The following TENM3 variants were observed in gnomAD, a reference collection of about 807,000 sequenced individuals.
The protein encoded by TENM3 is teneurin transmembrane protein 3, also known as teneurin-3.
A neutral mutation model predicts 255.1 loss-of-function variants in TENM3; 63 were observed. The ratio of observed to expected loss-of-function variants is 0.25; its 90% CI spans 0.20 to 0.30. The LOEUF (loss-of-function observed/expected upper bound fraction) is 0.30. Ranked by LOEUF, TENM3 falls within the 10% of genes least tolerant of loss-of-function variation. The pLI, the probability that TENM3 is intolerant of heterozygous loss-of-function variation, is 1.00. For synonymous variants in TENM3, 1,306 were observed against 1,322.3 expected, an observed-to-expected ratio of 0.99 and a Z score of 0.27; for missense variants, 2,929 against 3,461.1, an observed-to-expected ratio of 0.85 and a Z score of 3.86.
chr4:182,342,091 G>T lies in TENM3; in HGVS notation c.233-4560G>T, dbSNP rs115783966. On this transcript the variant is annotated intron_variant, in intron 2 of 27. Coordinates refer to ENST00000511685, the MANE Select transcript of TENM3 (RefSeq NM_001080477.4). ...AAAACAGTCCGGCAGTGCCTCAAAA[G>T]GTTCAATACAGAGTTACCATATACC... Among the ~76,000 whole-genome samples, 1,288 of 152,218 alleles carry T rather than the reference G, an allele frequency of 8.5e-3. 19 individuals are homozygous for T. Among genetic ancestry groups the T allele is most frequent in the African/African-American group, 0.03 (1,242 of 41,530 alleles).
chr4:181,717,612 G>C, the TENM3 span, among the ~76,000 whole-genome samples: 1 of 152,228 alleles, frequency 6.6e-6, no homozygotes, highest in Non-Finnish European at 1.5e-5. Flanking sequence ...GTTTCTGTCA[G>C]CCTGTCTGAG....
the TENM3 span, among the ~76,000 whole-genome samples, chr4:181,611,555 T>C: frequency 6.6e-6 from 1 of 152,154 alleles, no homozygotes; most frequent in Non-Finnish European, 1.5e-5. Context: ...AAATGACTCG[T>C]CTTGTATTAC....
chr4:181,631,370 A>G, the TENM3 span, among the ~76,000 whole-genome samples: 1 of 151,656 alleles, frequency 6.6e-6, no homozygotes, highest in Non-Finnish European at 1.5e-5. Flanking sequence ...GCTCACCGTA[A>G]CCTCCGCCTC....
chr4:181,510,967 T>C, the TENM3 span, among the ~76,000 whole-genome samples: 1 of 152,216 alleles, frequency 6.6e-6, no homozygotes, highest in East Asian at 1.9e-4. Context: ...TTCCCCCTTT[T>C]GGTAAGAAGG....
the TENM3 span, among the ~76,000 whole-genome samples, chr4:181,803,770 A>T: frequency 5.1e-3 from 774 of 151,800 alleles, 8 homozygotes; most frequent in African/African-American, 0.017. Context: ...TGTCCCTTAA[A>T]TTAAAAATGA....
the TENM3 span, among the ~76,000 whole-genome samples, chr4:182,064,625 C>A: frequency 6.6e-6 from 1 of 151,894 alleles, no homozygotes; most frequent in Non-Finnish European, 1.5e-5. Context: ...CAATGGGGAC[C>A]CATTCAAAAT....
chr4:181,827,321 A>G, the TENM3 span, among the ~76,000 whole-genome samples: 1 of 152,218 alleles, frequency 6.6e-6, no homozygotes, highest in Non-Finnish European at 1.5e-5. Flanking sequence ...TGTTAATTCA[A>G]GGCACATCTA....
rs1217895234 is a variant in TENM3, at chr4:182,754,896, T to C, written c.4529T>C (p.Phe1510Ser). The C allele has an allele frequency of 6.2e-7, 1 of 1,614,064 alleles. No individual in the cohort carries two copies. Residue 1510 changes from phenylalanine to serine, a missense_variant, in exon 22 of 28, where the codon TTC becomes TCC. Transcript: ENST00000511685. This position sits in a 1 kb window ranked among gnomAD's most constrained non-coding sequence, Gnocchi z 5.1. ...KNKPLLNSMN[F>S]YEVASPTDQE... ...AAGCCTTTACTTAACTCTATGAACT[T>C]CTATGAAGTTGCGTCTCCAACTGAT...
chr4:181,473,285 T>A, the TENM3 span, among the ~76,000 whole-genome samples: 1 of 152,114 alleles, frequency 6.6e-6, no homozygotes, highest in African/African-American at 2.4e-5. Flanking sequence ...GAGAAAACTG[T>A]TAAATAAGAA....
At chr4:181,920,491 T>C in the TENM3 span, among the ~76,000 whole-genome samples, 1 of 152,232 alleles carries the variant, frequency 6.6e-6, no homozygotes, top group African/African-American at 2.4e-5. Flanking sequence ...CAAGTGATGG[T>C]GAGCATTTTT....
intron 1 of TENM3, among the ~76,000 whole-genome samples, chr4:182,257,584 C>A (rs1330925341): frequency 6.6e-6 from 1 of 152,088 alleles, no homozygotes; most frequent in Non-Finnish European, 1.5e-5. Flanking sequence ...CAACACTGCC[C>A]AAGGATGCAT....
the TENM3 span, among the ~76,000 whole-genome samples, chr4:181,959,924 T>C: frequency 6.6e-6 from 1 of 152,206 alleles, no homozygotes; most frequent in East Asian, 1.9e-4. Flanking sequence ...AAGCAACTAA[T>C]GTTTACATCC....
intron 11 of TENM3, among the ~76,000 whole-genome samples, chr4:182,683,449 G>A (rs1011947451): frequency 6.6e-6 from 1 of 152,148 alleles, no homozygotes; most frequent in African/African-American, 2.4e-5. Context: ...TCAGATTAGG[G>A]ATGCTCCAGG....
At chr4:181,551,374 G>A in the TENM3 span, among the ~76,000 whole-genome samples, 1 of 152,162 alleles carries the variant, frequency 6.6e-6, no homozygotes, top group South Asian at 2.1e-4. Flanking sequence ...CACACTCAGG[G>A]ACTGGCAACT....
chr4:182,331,443 G>A (rs1245899761), intron 2 of TENM3, among the ~76,000 whole-genome samples: 1 of 152,118 alleles, frequency 6.6e-6, no homozygotes, highest in Non-Finnish European at 1.5e-5. Context: ...CTACTCAGGA[G>A]GCTAAGGCAC....
chr4:181,877,064 A>G, the TENM3 span: 3 of 152,202 alleles, frequency 2.0e-5, no homozygotes, highest in African/African-American at 7.2e-5. Context: ...TTGTATATCA[A>G]TCGTTTGCCT....
the TENM3 span, among the ~76,000 whole-genome samples, chr4:182,095,476 C>T: frequency 6.6e-6 from 1 of 152,008 alleles, no homozygotes; most frequent in African/African-American, 2.4e-5. Flanking sequence ...CTCACTCATA[C>T]GTGAAAGCTT....
chr4:181,504,268 G>A, the TENM3 span, among the ~76,000 whole-genome samples: 6 of 152,298 alleles, frequency 3.9e-5, no homozygotes, highest in Admixed American at 3.3e-4. Context: ...ACTGTGGAAT[G>A]AGCCTCCGCG....
the TENM3 span, among the ~76,000 whole-genome samples, chr4:182,100,429 C>A: frequency 9.2e-6 from 1 of 108,716 alleles, no homozygotes. Context: ...TGGCAAAACT[C>A]CGTCTCCGTA....
Sources: allele counts gnomAD v4.1 joint callset (sites outside exome capture counted in the v4.1 genomes callset), GRCh38; gene constraint gnomAD v4.1.1; non-coding constraint Gnocchi (gnomAD v3.1); transcripts MANE v1.5; gene names NCBI Gene and HGNC (gene_info 2026-07-23, HGNC 2026-07-21).